Variants in FANK1 observed in about 807,000 individuals in gnomAD.
FANK1 encodes fibronectin type III and ankyrin repeat domains 1, also known as fibronectin type 3 and ankyrin repeat domains protein 1.
Under a neutral mutation model 45.3 loss-of-function variants are expected in FANK1, and 44 were observed. That is an observed-to-expected ratio of 0.97 (90% CI 0.76 to 1.25). FANK1 has a LOEUF of 1.25. FANK1 is among the 50% of genes most tolerant of loss of function. The pLI is 0.00. For synonymous variants in FANK1, 149 were observed against 152.5 expected (o/e 0.98, Z 0.17); for missense variants, 391 against 424.4 (o/e 0.92, Z 0.69).
intron 3 of FANK1, chr10:125,994,947 G>C (rs1952211957): frequency 1.1e-5 from 11 of 985,020 alleles, no homozygotes; most frequent in Admixed American, 6.2e-5. Flanking sequence ...GCTCAGAGAA[G>C]ACAAGGCCAA....
intron 4 of FANK1, 159 bp downstream of exon 4, chr10:125,995,657 T>G: frequency 1.6e-6 from 1 of 629,904 alleles, no homozygotes; most frequent in Non-Finnish European, 2.9e-6. Context: ...AAACCACAGT[T>G]AATAAAGATG....
rs375360270 is a variant in FANK1, at chr10:125,922,483, G to A, written c.13+25828G>A. 2.0e-4 allele frequency among the ~76,000 whole-genome samples: 31 copies of A among 152,300 alleles called. No homozygotes were observed. The East Asian group carries it at 2.3e-3, about 11-fold the overall frequency. On this transcript the variant is annotated intron_variant, in intron 1 of 10. Transcript: ENST00000368693. ...AAATGACAGGCCGTAGCATACATAC[G>A]CCATCCTGGCCAGCATCACAGGTGG...
intron 1 of FANK1, among the ~76,000 whole-genome samples, chr10:125,950,414 T>C (rs1437747824): frequency 6.7e-6 from 1 of 148,498 alleles, no homozygotes; most frequent in African/African-American, 2.5e-5. Context: ...TCAAACTAAT[T>C]TACAAGAAAA....
chr10:125,933,576 G>A (rs958353133), intron 1 of FANK1, among the ~76,000 whole-genome samples: 1 of 152,014 alleles, frequency 6.6e-6, no homozygotes, highest in African/African-American at 2.4e-5. Context: ...TCTTTTCAAA[G>A]AACCAGCTTT....
chr10:126,000,372 TGTA>T (rs1564966810), intron 6 of FANK1, among the ~76,000 whole-genome samples: 2 of 152,162 alleles, frequency 1.3e-5, no homozygotes, highest in African/African-American at 4.8e-5. Flanking sequence ...TAGTAATTAA[TGTA>T]GTATGATACT....
At chr10:125,950,984 A>C (rs549554013) in intron 1 of FANK1, among the ~76,000 whole-genome samples, 1 of 150,050 alleles carries the variant, frequency 6.7e-6, no homozygotes, top group East Asian at 2.0e-4. Flanking sequence ...TCAGTAAACT[A>C]TCGCAAGAAC....
chr10:126,002,567 G>A (rs1300795511), intron 6 of FANK1, among the ~76,000 whole-genome samples: 1 of 152,128 alleles, frequency 6.6e-6, no homozygotes, highest in Admixed American at 6.5e-5. Flanking sequence ...GCTGTGCCTT[G>A]CCTTGGGGGC....
intron 1 of FANK1, among the ~76,000 whole-genome samples, chr10:125,901,008 G>A (rs1026269825): frequency 1.3e-5 from 2 of 151,686 alleles, no homozygotes; most frequent in African/African-American, 4.8e-5. Flanking sequence ...GGGTCTTGCT[G>A]TGTGGCCCAG....
At chr10:125,979,168 G>A (rs1245153259) in intron 1 of FANK1, among the ~76,000 whole-genome samples, 1 of 152,122 alleles carries the variant, frequency 6.6e-6, no homozygotes, top group Non-Finnish European at 1.5e-5. Context: ...GACCCCCGGG[G>A]GGCCATTGTC....
intron 7 of FANK1, 118 bp from the exon 8 acceptor site, chr10:126,008,289 A>G: frequency 1.5e-6 from 2 of 1,370,650 alleles, no homozygotes. Context: ...TGAACCAAAT[A>G]TAGAAAGACG....
At chr10:126,002,610 A>G (rs1952851703) in intron 6 of FANK1, among the ~76,000 whole-genome samples, 1 of 152,130 alleles carries the variant, frequency 6.6e-6, no homozygotes, top group Non-Finnish European at 1.5e-5. Flanking sequence ...GAGGCTTTGC[A>G]CGTTTCCCTA....
chr10:126,004,086 A>T (rs1952985271), intron 6 of FANK1: 1 of 149,180 alleles, frequency 6.7e-6, no homozygotes, highest in Admixed American at 6.7e-5. Flanking sequence ...GGTTCCTTTT[A>T]TATTTATTAG....
At chr10:126,006,658 G>A (rs1953227281) in intron 7 of FANK1, among the ~76,000 whole-genome samples, 2 of 152,218 alleles carry the variant, frequency 1.3e-5, no homozygotes, top group South Asian at 4.1e-4. Flanking sequence ...TCAGGAGTTT[G>A]AGACCAACCT....
chr10:125,957,624 A>G (rs1479613597), intron 1 of FANK1, among the ~76,000 whole-genome samples: 1 of 151,930 alleles, frequency 6.6e-6, no homozygotes, highest in Non-Finnish European at 1.5e-5. Flanking sequence ...TCCCAAATTC[A>G]AGCAATTCTC....
intron 6 of FANK1, among the ~76,000 whole-genome samples, chr10:125,997,824 C>T (rs781069992): frequency 5.9e-5 from 9 of 152,246 alleles, no homozygotes; most frequent in Non-Finnish European, 1.0e-4. Flanking sequence ...GCGCCTGCCC[C>T]TGGCACCCCG....
chr10:125,911,590 T>G (rs538403984), intron 1 of FANK1, among the ~76,000 whole-genome samples: 3 of 152,346 alleles, frequency 2.0e-5, no homozygotes, highest in Admixed American at 6.5e-5. Flanking sequence ...GGTAGTTAGT[T>G]TTGATAATTG....
intron 1 of FANK1, among the ~76,000 whole-genome samples, chr10:125,952,490 T>C (rs528368763): frequency 9.2e-5 from 14 of 152,290 alleles, no homozygotes; most frequent in Admixed American, 3.3e-4. Flanking sequence ...TCAGAGAAGA[T>C]GTTTTTTACT....
chr10:125,979,554 C>T (rs1951066967), intron 1 of FANK1, among the ~76,000 whole-genome samples: 1 of 152,214 alleles, frequency 6.6e-6, no homozygotes, highest in Non-Finnish European at 1.5e-5. Context: ...TTTTCAGTTT[C>T]TGACTGGATA....
intron 1 of FANK1, among the ~76,000 whole-genome samples, chr10:125,899,912 T>A (rs1260787081): frequency 6.6e-6 from 1 of 152,284 alleles, no homozygotes; most frequent in Non-Finnish European, 1.5e-5. Flanking sequence ...TTTTAAGGAT[T>A]AAACATGTAT....
Sources: allele counts gnomAD v4.1 joint callset (sites outside exome capture counted in the v4.1 genomes callset), GRCh38; gene constraint gnomAD v4.1.1; transcripts MANE v1.5; gene names NCBI Gene and HGNC (gene_info 2026-07-23, HGNC 2026-07-21).